The following RFWD3 variants were observed in gnomAD, a reference collection of about 807,000 sequenced individuals.
RFWD3 encodes ring finger and WD repeat domain 3.
In RFWD3, 65 loss-of-function variants were observed where a neutral mutation model predicts 87.7. The ratio of observed to expected loss-of-function variants is 0.74; its 90% CI spans 0.61 to 0.91. The LOEUF is 0.91. RFWD3 is among the 40% of genes least tolerant of loss of function. RFWD3 has a pLI of 0.00. For missense variants in RFWD3, 1,078 were observed against 938.5 expected, an observed-to-expected ratio of 1.15 and a Z score of -1.94; for synonymous variants, 433 against 352.8, an observed-to-expected ratio of 1.23 and a Z score of -2.55.
At chr16:74,657,727 G>C (rs1442545754) in intron 2 of RFWD3, among the ~76,000 whole-genome samples, 1 of 152,086 alleles carries the variant, frequency 6.6e-6, no homozygotes, top group Non-Finnish European at 1.5e-5. Context: ...GCCTGCCTCA[G>C]CCTCCCAAAA....
At chr16:74,638,118 C>A in intron 6 of RFWD3, 148 bp from the exon 7 acceptor site, 1 of 539,448 alleles carries the variant, frequency 1.9e-6, no homozygotes, top group Admixed American at 3.0e-5. Context: ...AGAGAAAAAT[C>A]TCTCCAGAAA....
At chr16:74,632,339 C>A (rs1336888875) in intron 9 of RFWD3, among the ~76,000 whole-genome samples, 184 bp downstream of exon 9, 2 of 151,938 alleles carry the variant, frequency 1.3e-5, no homozygotes, top group African/African-American at 4.8e-5. Context: ...TTGCAGTGAG[C>A]CGAGATCCCA....
chr16:74,655,106 T>C (rs1960861710), intron 2 of RFWD3, among the ~76,000 whole-genome samples: 1 of 152,154 alleles, frequency 6.6e-6, no homozygotes, highest in Non-Finnish European at 1.5e-5. Flanking sequence ...TCAGTGTAGA[T>C]GAAACACCCC....
Position 74,661,183 on chromosome 16 carries a change from G to T in RFWD3, c.267C>A (p.Asp89Glu). 6.2e-7 allele frequency: 1 copy of T among 1,614,208 alleles called. No homozygotes were observed. The highest frequency in any genetic ancestry group is 8.5e-7 in the Non-Finnish European group (1 of 1,180,044). ...DLTEVEVLGEDTVENINPRTS... is the reference protein window; with the variant it reads ...DLTEVEVLGEETVENINPRTS... ...TTCTTGGATTGATGTTCTCCACAGT[G>T]TCTTCTCCCAAGACCTCCACTTCTG... The change falls in exon 2 of 13, where the codon GAC (aspartate) becomes GAA (glutamate). Residue 89 changes from aspartate (D) to glutamate (E), a missense_variant. Physicochemically the swap from Asp to Glu is conservative, Grantham distance 45. Coordinates refer to ENST00000361070, the MANE Select transcript of RFWD3 (RefSeq NM_018124.4).
chr16:74,656,187 A>G (rs1207118788), intron 2 of RFWD3, among the ~76,000 whole-genome samples: 1 of 151,470 alleles, frequency 6.6e-6, no homozygotes, highest in East Asian at 1.9e-4. Context: ...AGTCCCAGCT[A>G]CTCTGTAGGC....
rs1958810293 is a variant in RFWD3, at chr16:74,622,917, G to A, written c.*1011C>T. The A allele has an allele frequency of 6.6e-6, 1 of 152,214 alleles. No individual in the cohort carries two copies. Among genetic ancestry groups the A allele is most frequent in the South Asian group, 2.1e-4 (1 of 4,834 alleles). The allele number at this position is 152,214 out of a possible 1,614,324, so 9.4% of individuals were successfully genotyped here. A position where few individuals can be genotyped will look rare whatever the true frequency, so the allele number is the denominator to read the frequency against. On this transcript the variant is annotated 3_prime_UTR_variant, in exon 13 of 13. Transcript: ENST00000361070. ...CTTAAGAACAGCCCCTCAGTCTGAG[G>A]AATTGGCTTTATTTAGATAGGAACT...
intron 2 of RFWD3, among the ~76,000 whole-genome samples, chr16:74,658,739 TAA>T (rs529405838): frequency 4.7e-4 from 71 of 152,146 alleles, no homozygotes; most frequent in African/African-American, 1.6e-3. Context: ...AAATTCTGTA[TAA>T]CTCATTCCCT....
chr16:74,652,993 C>T (rs1045287523), intron 2 of RFWD3, among the ~76,000 whole-genome samples: 2 of 152,116 alleles, frequency 1.3e-5, no homozygotes, highest in Admixed American at 6.5e-5. Context: ...ATTAATAAAA[C>T]CTTATACTAA....
In RFWD3 at chr16:74,624,020, G is replaced by A. The variant is rs1958844861; in HGVS notation, c.2233C>T (p.Pro745Ser). Residue 745 changes from proline (P) to serine (S), a missense_variant, in exon 13 of 13, where the codon CCT becomes TCT. By Grantham distance (74) the Pro-to-Ser change is moderately conservative (BLOSUM62 -1). Transcript: ENST00000361070. Reference protein sequence around the residue: ...SLLQDLQTDQPVLDICPFEVN... With the variant: ...SLLQDLQTDQSVLDICPFEVN... ...TCAAATGGGCAGATGTCCAACACAG[G>A]CTGATCGGTCTGTAGGTCCTGGAGC... 1.2e-6 allele frequency: 2 copies of A among 1,614,066 alleles called. No homozygotes were observed. The highest frequency in any genetic ancestry group is 1.7e-6 in the Non-Finnish European group (2 of 1,179,994).
At chr16:74,666,317 A>C (rs1961919579) in intron 1 of RFWD3, 2 of 152,232 alleles carry the variant, frequency 1.3e-5, no homozygotes, top group Admixed American at 6.5e-5. Flanking sequence ...GTTCTCCTGT[A>C]AAACAGGGAT....
chr16:74,644,801 A>C (rs1959988570), intron 4 of RFWD3, 66 bp from the exon 5 acceptor site: 2 of 1,495,702 alleles, frequency 1.3e-6, no homozygotes, highest in Non-Finnish European at 1.8e-6. Context: ...GAAGATGTGC[A>C]ACTAAGAAAT....
At chr16:74,655,619 G>A (rs900732504) in intron 2 of RFWD3, among the ~76,000 whole-genome samples, 1 of 151,450 alleles carries the variant, frequency 6.6e-6, no homozygotes, top group Admixed American at 6.6e-5. Flanking sequence ...TTCTGTCTGT[G>A]CTCTCTCTCT....
chr16:74,643,891 A>C (rs1462685489), intron 6 of RFWD3: 2 of 179,884 alleles, frequency 1.1e-5, no homozygotes, highest in East Asian at 2.6e-4. Context: ...GTTAGCCAGG[A>C]TGGTCTTGAT....
In RFWD3 at chr16:74,626,713, CAGCATCAATGAAATTTAGAACCGTAGGCT is replaced by C. The variant is rs1294951424; in HGVS notation, c.1970-188_1970-160del. On this transcript the variant is annotated intron_variant, in intron 11 of 12. Transcript: ENST00000361070. The stretch of plus-strand genomic sequence containing the variant: ...CAAAACAAATGAAAGAACAATATCA[CAGCATCAATGAAATTTAGAACCGTAGGCT>C]AGCATCAGTGAAATTTAGAACCATA... Among the ~76,000 whole-genome samples the C allele has an allele frequency of 1.1e-4, 16 of 152,292 alleles. No homozygotes were observed. The East Asian group carries it at 2.1e-3, about 20-fold the overall frequency.
Position 74,651,425 on chromosome 16 carries a change from C to T in RFWD3, c.721+495G>A, listed in dbSNP as rs140932990. 2.5e-3 allele frequency among the ~76,000 whole-genome samples: 387 copies of T among 152,058 alleles called. 2 individuals are homozygous for T. Among genetic ancestry groups the T allele is most frequent in the African/African-American group, 9.0e-3 (375 of 41,482 alleles). ...TTGAGCTCAGGAGTTTATGACCAGCCGGGGCAACATGGAAAAACTCTGTCT... is the reference window on the plus strand; with the variant it reads ...TTGAGCTCAGGAGTTTATGACCAGCTGGGGCAACATGGAAAAACTCTGTCT... On this transcript the variant is annotated intron_variant, in intron 3 of 12. Transcript: ENST00000361070.
rs767312037 is a variant in RFWD3, at chr16:74,636,521, G to A, written c.1251C>T (p.Ser417=). 1 of 1,613,932 alleles carries A rather than the reference G, an allele frequency of 6.2e-7. No homozygotes were observed. Among genetic ancestry groups the A allele is most frequent in the African/African-American group, 1.3e-5 (1 of 75,000 alleles). ...QSQNLQQPRG[S]QAWVLSCSPS... ...GTGAGCAGCTCAGGACCCATGCTTG[G>A]GAGCCCCTGGGTTGCTGTAAATTCT... The change falls in exon 8 of 13, where the codon TCC becomes TCT. Residue 417 remains serine, a synonymous_variant. Transcript: ENST00000361070.
chr16:74,621,587 A>G lies in RFWD3; in HGVS notation c.*2341T>C, dbSNP rs1226095854. On this transcript the variant is annotated 3_prime_UTR_variant, in exon 13 of 13. Coordinates refer to ENST00000361070, the MANE Select transcript of RFWD3 (RefSeq NM_018124.4). ...GGAAAAAAACTTAGAGGTAGTGACA[A>G]AGGAATATGGTGGGGCAGAGACTGG... is the stretch of plus-strand genomic sequence containing the variant. 6.6e-6 allele frequency: 1 copy of G among 152,168 alleles called. No individual in the cohort carries two copies. The highest frequency in any genetic ancestry group is 1.5e-5 in the Non-Finnish European group (1 of 68,014). The allele number at this position is 152,168 out of a possible 1,614,324, so 9.4% of individuals were successfully genotyped here. A position where few individuals can be genotyped will look rare whatever the true frequency, so the allele number is the denominator to read the frequency against.
intron 2 of RFWD3, 33 bp from the exon 3 acceptor site, chr16:74,652,155 A>T (rs769823837): frequency 9.6e-6 from 15 of 1,561,080 alleles, no homozygotes; most frequent in Non-Finnish European, 1.3e-5. Flanking sequence ...GAATTATAGT[A>T]CAATGAACTA....
At position 74,623,151 on chromosome 16, in the gene RFWD3, G is replaced by GA. The variant is rs1395326141; in HGVS notation, c.*776dup. ...CAATCCTGAGATCCTAAGCTGGCTA[G>GA]AAAAAACAAAATCTTCCCCACCGCT... On this transcript the variant is annotated 3_prime_UTR_variant, in exon 13 of 13. Coordinates refer to ENST00000361070, the MANE Select transcript of RFWD3 (RefSeq NM_018124.4). 3 of 152,392 alleles carry GA rather than the reference G, an allele frequency of 2.0e-5. No homozygotes were observed. Among genetic ancestry groups the GA allele is most frequent in the East Asian group, 1.9e-4 (1 of 5,196 alleles). 9.4% of individuals were successfully genotyped at this position (152,392 alleles called of 1,614,324 possible).
Sources: allele counts gnomAD v4.1 joint callset (sites outside exome capture counted in the v4.1 genomes callset), GRCh38; gene constraint gnomAD v4.1.1; transcripts MANE v1.5; gene names NCBI Gene and HGNC (gene_info 2026-07-23, HGNC 2026-07-21).